Variants in TG observed in about 807,000 individuals in gnomAD.
The protein encoded by TG is thyroid hormones.
In TG, 270 loss-of-function variants were observed where a neutral mutation model predicts 324.7. The observed-to-expected ratio is 0.83, with a 90% CI of 0.75 to 0.92. The LOEUF (loss-of-function observed/expected upper bound fraction) is 0.92, where lower values mean the gene tolerates loss of function less well. TG is among the 40% of genes least tolerant of loss of function. The probability of loss-of-function intolerance (pLI) is 0.00; values close to 1 mark genes in which losing one functional copy is unlikely to be tolerated. For missense variants in TG, 3,591 were observed against 3,456.4 expected (o/e 1.04, Z -0.98); for synonymous variants, 1,401 against 1,327.0 (o/e 1.06, Z -1.21).
Position 133,046,811 on chromosome 8 carries a change from A to G in TG, c.7239+16788A>G, listed in dbSNP as rs190350354. On this transcript the variant is annotated intron_variant, in intron 41 of 47. Transcript: ENST00000220616. ...GAAAAGTTGATCGCAGATTTTTTTT[A>G]AATCATATATATGTGGTCCCTGCTT... 7.9e-5 allele frequency among the ~76,000 whole-genome samples: 12 copies of G among 152,250 alleles called. No homozygotes were observed. The East Asian group carries it at 2.3e-3, about 29-fold the overall frequency.
chr8:133,094,456 G>A (rs533481632), intron 41 of TG, among the ~76,000 whole-genome samples: 3 of 152,040 alleles, frequency 2.0e-5, no homozygotes, highest in Non-Finnish European at 4.4e-5. Flanking sequence ...TAGCCAGGAT[G>A]GTCTCGATCT....
At chr8:132,882,328 G>T in intron 6 of TG, 141 bp from the exon 7 acceptor site, 1 of 1,013,234 alleles carries the variant, frequency 9.9e-7, no homozygotes, top group Non-Finnish European at 1.6e-6. Context: ...CTCTGACTTT[G>T]GAAACTGTTA....
At chr8:132,946,648 C>T (rs750254407) in intron 26 of TG, among the ~76,000 whole-genome samples, 40 of 152,146 alleles carry the variant, frequency 2.6e-4, no homozygotes, top group Admixed American at 1.2e-3. Context: ...CTCCAATCTC[C>T]ACCCCTCTAA....
At chr8:133,120,120 C>T (rs1342109299) in intron 45 of TG, among the ~76,000 whole-genome samples, 1 of 152,132 alleles carries the variant, frequency 6.6e-6, no homozygotes, top group Non-Finnish European at 1.5e-5. Flanking sequence ...AGGAATCCAC[C>T]CTCAATCCAC....
intron 27 of TG, among the ~76,000 whole-genome samples, chr8:132,957,839 A>G (rs1035830943): frequency 4.6e-5 from 7 of 151,836 alleles, no homozygotes; most frequent in South Asian, 2.1e-4. Flanking sequence ...GTTTGGTTAC[A>G]TGAGTAAGTT....
chr8:133,040,358 G>C, intron 41 of TG: 1 of 531,976 alleles, frequency 1.9e-6, no homozygotes, highest in Non-Finnish European at 3.4e-6. Flanking sequence ...CCAGGCATGG[G>C]CAGAGAGAGA....
chr8:133,134,730 G>A lies in TG; in HGVS notation c.8243G>A (p.Gly2748Glu). ...AESEEEELTA[G>E]SGLREDLLSL... is the part of the protein sequence containing the mutation. The stretch of plus-strand genomic sequence containing the variant: ...AGTGAAGAGGAGGAGTTGACGGCTG[G>A]ATCTGGGCTAAGAGAAGATCTCCTA... Residue 2748 changes from glycine to glutamate, a missense_variant, in exon 48 of 48, where the codon GGA (glycine) becomes GAA (glutamate). By Grantham distance (98) the Gly-to-Glu change is moderately conservative. Coordinates refer to ENST00000220616, the MANE Select transcript of TG (RefSeq NM_003235.5). 1 of 1,614,120 alleles carries A rather than the reference G, an allele frequency of 6.2e-7. No homozygotes were observed. The highest frequency in any genetic ancestry group is 1.6e-4 in the Middle Eastern group (1 of 6,062).
chr8:133,104,845 T>G (rs142877390), intron 43 of TG, among the ~76,000 whole-genome samples: 26 of 152,274 alleles, frequency 1.7e-4, no homozygotes, highest in Non-Finnish European at 2.9e-4. Flanking sequence ...CTCCACTGGA[T>G]GCAAACGGCC....
intron 47 of TG, 121 bp downstream of exon 47, chr8:133,133,781 A>C (rs375617765): frequency 8.9e-7 from 1 of 1,120,734 alleles, no homozygotes. Context: ...TGCCAATGGC[A>C]CAGCCCCTTC....
chr8:133,004,461 T>C (rs1182005903), intron 35 of TG, among the ~76,000 whole-genome samples: 1 of 152,216 alleles, frequency 6.6e-6, no homozygotes, highest in Non-Finnish European at 1.5e-5. Context: ...GGTGCCTCTG[T>C]AACCTTGAAT....
At chr8:132,991,275 A>G (rs1463035154) in intron 35 of TG, among the ~76,000 whole-genome samples, 1 of 152,056 alleles carries the variant, frequency 6.6e-6, no homozygotes, top group Non-Finnish European at 1.5e-5. Flanking sequence ...TTTGCACTCT[A>G]ATAATCCAGA....
intron 11 of TG, among the ~76,000 whole-genome samples, chr8:132,896,698 A>G (rs1018750108): frequency 6.6e-6 from 1 of 152,042 alleles, no homozygotes; most frequent in African/African-American, 2.4e-5. Context: ...TCTCCCCCTC[A>G]TGCATTCATT....
chr8:133,007,680 T>A (rs1439911263), intron 35 of TG, among the ~76,000 whole-genome samples: 1 of 152,188 alleles, frequency 6.6e-6, no homozygotes, highest in Non-Finnish European at 1.5e-5. Context: ...AAATAGGACT[T>A]GAATTTATAA....
intron 23 of TG, among the ~76,000 whole-genome samples, chr8:132,931,154 T>C (rs1316696062): frequency 6.6e-6 from 1 of 152,232 alleles, no homozygotes; most frequent in Non-Finnish European, 1.5e-5. Flanking sequence ...GACTCACTTC[T>C]CCCTGTGACT....
At chr8:132,982,310 A>G (rs1364505408) in intron 34 of TG, among the ~76,000 whole-genome samples, 1 of 152,174 alleles carries the variant, frequency 6.6e-6, no homozygotes, top group African/African-American at 2.4e-5. Flanking sequence ...GCCATGCTAC[A>G]TTGCCGCAGC....
chr8:132,913,038 G>A lies in TG; in HGVS notation c.4160-9G>A. 1 of 1,613,922 alleles carries A rather than the reference G, an allele frequency of 6.2e-7. No homozygotes were observed. Among genetic ancestry groups the A allele is most frequent in the Non-Finnish European group, 8.5e-7 (1 of 1,179,918 alleles). ...GGGGGTGACCTCTACCTTATCCTGTGTCTTACAGAGAGAGCCTTGGTGGGC... is the reference window on the plus strand; with the variant it reads ...GGGGGTGACCTCTACCTTATCCTGTATCTTACAGAGAGAGCCTTGGTGGGC... On this transcript the variant is annotated splice_polypyrimidine_tract_variant and intron_variant, in intron 19 of 47. Coordinates refer to ENST00000220616, the MANE Select transcript of TG (RefSeq NM_003235.5).
chr8:132,898,817 A>C lies in TG; in HGVS notation c.3237A>C (p.Lys1079Asn). The change falls in exon 14 of 48, where the codon AAA becomes AAC. Residue 1079 changes from lysine to asparagine, a missense_variant. Lys to Asn is a moderately conservative substitution (Grantham distance 94). Transcript: ENST00000220616. ...CCACAGGCCCGACAACCTGCGAGAAATCTCGAACCAGTGGGCTGCTTTCCA... is the reference window on the plus strand; with the variant it reads ...CCACAGGCCCGACAACCTGCGAGAACTCTCGAACCAGTGGGCTGCTTTCCA... ...QIPQCPTTCEKSRTSGLLSSW... is the reference protein window; with the variant it reads ...QIPQCPTTCENSRTSGLLSSW... 6.2e-7 allele frequency: 1 copy of C among 1,614,138 alleles called. No individual in the cohort carries two copies. The highest frequency in any genetic ancestry group is 2.2e-5 in the East Asian group (1 of 44,880).
At chr8:132,959,055 A>G (rs1253628964) in intron 27 of TG, among the ~76,000 whole-genome samples, 2 of 152,238 alleles carry the variant, frequency 1.3e-5, no homozygotes, top group African/African-American at 4.8e-5. Flanking sequence ...CCTTTAGAGA[A>G]ACATCTCAAT....
chr8:133,107,163 A>G (rs1943172424), intron 43 of TG, among the ~76,000 whole-genome samples: 1 of 152,228 alleles, frequency 6.6e-6, no homozygotes, highest in Admixed American at 6.5e-5. Context: ...ACAGACAGGC[A>G]TATCCACTGA....
Sources: allele counts gnomAD v4.1 joint callset (sites outside exome capture counted in the v4.1 genomes callset), GRCh38; gene constraint gnomAD v4.1.1; transcripts MANE v1.5; gene names NCBI Gene and HGNC (gene_info 2026-07-23, HGNC 2026-07-21).